ABCA1: variants seen among roughly 807,000 people sequenced by gnomAD.
ABCA1 encodes phospholipid-transporting ATPase ABCA1.
Under a neutral mutation model 262.5 loss-of-function variants are expected in ABCA1, and 133 were observed. That is an observed-to-expected ratio of 0.51 (90% CI 0.44 to 0.59). The LOEUF (loss-of-function observed/expected upper bound fraction) is 0.59. ABCA1 is among the 20% of genes least tolerant of loss of function. The pLI, the probability that ABCA1 is intolerant of heterozygous loss-of-function variation, is 0.00. For synonymous variants in ABCA1, 1,022 were observed against 1,043.5 expected (o/e 0.98, Z 0.40); for missense variants, 2,452 against 2,777.5 (o/e 0.88, Z 2.63).
At chr9:104,912,791 G>A (rs1841580882) in intron 1 of ABCA1, among the ~76,000 whole-genome samples, 1 of 151,540 alleles carries the variant, frequency 6.6e-6, no homozygotes, top group Non-Finnish European at 1.5e-5. Context: ...CTCTAGAAAA[G>A]AAATCAACCT....
chr9:104,871,961 G>C (rs1053631570), intron 5 of ABCA1, among the ~76,000 whole-genome samples: 1 of 152,178 alleles, frequency 6.6e-6, no homozygotes, highest in East Asian at 1.9e-4. Context: ...AACGGAAAAA[G>C]ATGAGTTTAC....
chr9:104,823,442 T>C (rs1832549655), intron 18 of ABCA1, among the ~76,000 whole-genome samples: 1 of 152,198 alleles, frequency 6.6e-6, no homozygotes, highest in Non-Finnish European at 1.5e-5. Context: ...GCTGCTACCA[T>C]TGGGGAAACT....
chr9:104,794,523 A>AAG lies in ABCA1; in HGVS notation c.5383-14_5383-13insCT. The AAG allele has an allele frequency of 6.2e-7, 1 of 1,606,186 alleles. No homozygotes were observed. Among genetic ancestry groups the AAG allele is most frequent in the Non-Finnish European group, 8.5e-7 (1 of 1,178,024 alleles). ...TATTATTCAGCTTCTAAAAAAAAAA[A>AAG]AAAAAAATGGGAGGGAAGGGAGGGT... On this transcript the variant is annotated splice_polypyrimidine_tract_variant and intron_variant, in intron 39 of 49. Coordinates refer to ENST00000374736, the MANE Select transcript of ABCA1 (RefSeq NM_005502.4).
At chr9:104,847,239 C>T (rs987263058) in intron 7 of ABCA1, among the ~76,000 whole-genome samples, 17 of 152,190 alleles carry the variant, frequency 1.1e-4, no homozygotes, top group Admixed American at 9.8e-4. Context: ...CACTCTCCCC[C>T]GCCACCCTGT....
chr9:104,838,096 C>G (rs981496695), intron 9 of ABCA1, among the ~76,000 whole-genome samples: 1 of 152,094 alleles, frequency 6.6e-6, no homozygotes, highest in African/African-American at 2.4e-5. Flanking sequence ...GAGGCCAAGG[C>G]GGGCGAACCA....
chr9:104,861,661 C>G lies in ABCA1; in HGVS notation c.543+18G>C, dbSNP rs1158584349. On this transcript the variant is annotated intron_variant, in intron 6 of 49. Coordinates refer to ENST00000374736, the MANE Select transcript of ABCA1 (RefSeq NM_005502.4). Reference sequence around the variant, plus strand: ...ATTGCCATCAGCCCTACTGAGGAAGCTGGAGGCATCAGCTTACCTTGTGGA... The same window carrying G: ...ATTGCCATCAGCCCTACTGAGGAAGGTGGAGGCATCAGCTTACCTTGTGGA... 6.2e-7 allele frequency: 1 copy of G among 1,614,140 alleles called. No homozygotes were observed. Among genetic ancestry groups the G allele is most frequent in the Admixed American group, 1.7e-5 (1 of 60,016 alleles).
At position 104,884,796 on chromosome 9, in the gene ABCA1, G is replaced by A. The variant is rs4149270; in HGVS notation, c.161-228C>T. 0.3 allele frequency among the ~76,000 whole-genome samples: 45,467 copies of A among 152,066 alleles called. 7,127 individuals carry two copies. Among genetic ancestry groups the A allele is most frequent in the South Asian group, 0.51 (2,459 of 4,826 alleles). Reference sequence around the variant, plus strand: ...GTAGAATGGGGTTCATGATACCAGCGTTGGAGAAGTGATGAGAGGGGTCCT... The same window carrying A: ...GTAGAATGGGGTTCATGATACCAGCATTGGAGAAGTGATGAGAGGGGTCCT... On this transcript the variant is annotated intron_variant, in intron 3 of 49. Transcript: ENST00000374736.
Position 104,836,034 on chromosome 9 carries a change from C to T in ABCA1, c.1311+946G>A, listed in dbSNP as rs546124349. 1.2e-4 allele frequency among the ~76,000 whole-genome samples: 19 copies of T among 152,324 alleles called. 1 individual carries two copies. In the South Asian group the frequency reaches 3.7e-3, roughly 30 times the overall value. On this transcript the variant is annotated intron_variant, in intron 11 of 49. Transcript: ENST00000374736. ...CTACGGGGCTAGATCATATAACCCT[C>T]CTTTAGAGAAGAGACCCCACTTTAA...
rs1330596980 is a variant in ABCA1, at chr9:104,790,980, T to G, written c.5869A>C (p.Lys1957Gln). 3 of 1,613,904 alleles carry G rather than the reference T, an allele frequency of 1.9e-6. No individual in the cohort carries two copies. The highest frequency in any genetic ancestry group is 3.3e-5 in the Admixed American group (2 of 60,012). ...VNGAGKSSTF[K>Q]MLTGDTTVTR... ...ACAGTGGTATCTCCTGTTAACATCT[T>G]GAAAGTTGATGATTTTCCAGCCCCA... The change falls in exon 44 of 50, where the codon AAG (lysine) becomes CAG (glutamine). Residue 1957 changes from lysine (K) to glutamine (Q), a missense_variant. Physicochemically the swap from Lys to Gln is moderately conservative, Grantham distance 53. Around this residue, in one of 4 missense-constraint regions of ABCA1, gnomAD observed 752 missense variants for 944.5 expected, o/e 0.80. Coordinates refer to ENST00000374736, the MANE Select transcript of ABCA1 (RefSeq NM_005502.4).
intron 37 of ABCA1, among the ~76,000 whole-genome samples, chr9:104,796,921 GT>G (rs1338086815): frequency 6.6e-6 from 1 of 152,202 alleles, no homozygotes; most frequent in Non-Finnish European, 1.5e-5. Context: ...GTATCAAGCA[GT>G]AAAATGCAGA....
At chr9:104,825,527 T>A (rs1305129083) in intron 17 of ABCA1, 156 bp downstream of exon 17, 3 of 756,966 alleles carry the variant, frequency 4.0e-6, no homozygotes, top group Non-Finnish European at 6.9e-6. Context: ...AATTGTACTT[T>A]CAGCATCAGC....
intron 1 of ABCA1, among the ~76,000 whole-genome samples, chr9:104,923,607 G>C (rs1842265918): frequency 6.6e-6 from 1 of 152,230 alleles, no homozygotes; most frequent in African/African-American, 2.4e-5. Context: ...TGAAATGTTA[G>C]TGCTGGAGTT....
chr9:104,817,077 A>G lies in ABCA1; in HGVS notation c.3535+255T>C. On this transcript the variant is annotated intron_variant, in intron 24 of 49. Coordinates refer to ENST00000374736, the MANE Select transcript of ABCA1 (RefSeq NM_005502.4). This position sits in a 1 kb window ranked among gnomAD's most constrained non-coding sequence, Gnocchi z 4.7. ...TATTCAGTGTCCACTCCCCTAAGGG[A>G]TTCCCCAAACCCCAATCATCTCAGC... The G allele has an allele frequency of 2.3e-6, 1 of 428,234 alleles. No individual in the cohort carries two copies. The highest frequency in any genetic ancestry group is 3.1e-6 in the Non-Finnish European group (1 of 320,674). The allele number at this position is 428,234 out of a possible 1,614,324, so 26.5% of individuals were successfully genotyped here.
At chr9:104,833,308 A>G (rs913567760) in intron 11 of ABCA1, among the ~76,000 whole-genome samples, 1 of 152,070 alleles carries the variant, frequency 6.6e-6, no homozygotes, top group Non-Finnish European at 1.5e-5. Context: ...CAGCCTACCA[A>G]GTAGCTAAGA....
In ABCA1 at chr9:104,816,294, A is replaced by G; in HGVS notation, c.3587T>C (p.Leu1196Pro). The change falls in exon 25 of 50, where the codon CTG (leucine) becomes CCG (proline). Residue 1196 changes from leucine (L) to proline (P), a missense_variant. This residue lies in a region of ABCA1 where 665 missense variants were observed against 727.3 expected (regional missense o/e 0.91). Transcript: ENST00000374736. Reference sequence around the variant, plus strand: ...CAGCTCATGCCCTATGTCTTCCACCAGCCGGGCTTCAGACACATGCTTCCT... The same window carrying G: ...CAGCTCATGCCCTATGTCTTCCACCGGCCGGGCTTCAGACACATGCTTCCT... ...LIRKHVSEARLVEDIGHELTY... is the reference protein window; with the variant it reads ...LIRKHVSEARPVEDIGHELTY... 1 of 1,614,084 alleles carries G rather than the reference A, an allele frequency of 6.2e-7. No homozygotes were observed. Among genetic ancestry groups the G allele is most frequent in the African/African-American group, 1.3e-5 (1 of 75,010 alleles).
intron 2 of ABCA1, among the ~76,000 whole-genome samples, chr9:104,899,518 A>G (rs1333921918): frequency 6.6e-6 from 1 of 151,962 alleles, no homozygotes; most frequent in Non-Finnish European, 1.5e-5. Flanking sequence ...ACATGCTAAA[A>G]CCATGTCTCT....
intron 23 of ABCA1, among the ~76,000 whole-genome samples, chr9:104,818,452 G>C (rs1831976761): frequency 6.6e-6 from 1 of 152,140 alleles, no homozygotes; most frequent in Admixed American, 6.5e-5. Context: ...ATAGGAAAAG[G>C]AAAACGGGAT....
chr9:104,926,080 G>T (rs1826300897), intron 1 of ABCA1, among the ~76,000 whole-genome samples: 1 of 152,024 alleles, frequency 6.6e-6, no homozygotes, highest in Non-Finnish European at 1.5e-5. Context: ...TTTTTGTGAG[G>T]TTCTCTTCGT....
Position 104,828,988 on chromosome 9 carries a change from G to C in ABCA1, c.2043C>G (p.Leu681=), listed in dbSNP as rs1001309965. ...GGCTACTAATGAACCAGCTAAACCA[G>C]AGGATGCTGTTGTCCAGGCCCATGA... The part of the protein sequence containing the change: ...MRIMGLDNSI[L]WFSWFISSLI... The change falls in exon 15 of 50, where the codon CTC becomes CTG. Residue 681 remains leucine, a synonymous_variant. Transcript: ENST00000374736. 1.2e-6 allele frequency: 2 copies of C among 1,614,082 alleles called. No homozygotes were observed. The highest frequency in any genetic ancestry group is 1.7e-6 in the Non-Finnish European group (2 of 1,180,052).
Sources: gnomAD v4.1 joint callset for allele counts (sites outside exome capture counted in the v4.1 genomes callset) on GRCh38, gnomAD v4.1.1 for gene constraint, gnomAD v4.1.1 regional missense constraint, Gnocchi (gnomAD v3.1) non-coding constraint, MANE v1.5 for transcripts, NCBI Gene and HGNC (gene_info 2026-07-23, HGNC 2026-07-21) for gene names.